MAEL: variants seen among roughly 807,000 people sequenced by gnomAD.
MAEL encodes protein maelstrom homolog.
Under a neutral mutation model 62.0 loss-of-function variants are expected in MAEL, and 46 were observed. That is an observed-to-expected ratio of 0.74 (90% CI 0.59 to 0.95). The LOEUF (loss-of-function observed/expected upper bound fraction) is 0.95, where lower values mean the gene tolerates loss of function less well. MAEL is among the 40% of genes least tolerant of loss of function. The probability of loss-of-function intolerance (pLI) is 0.00; values close to 1 mark genes in which losing one functional copy is unlikely to be tolerated. For missense variants in MAEL, 497 were observed against 526.8 expected (o/e 0.94, Z 0.55); for synonymous variants, 172 against 175.5 (o/e 0.98, Z 0.16).
intron 5 of MAEL, among the ~76,000 whole-genome samples, chr1:166,996,214 C>T (rs900512084): frequency 1.3e-5 from 2 of 152,180 alleles, no homozygotes; most frequent in Non-Finnish European, 2.9e-5. Context: ...TGTATAGTAA[C>T]ACACTGGAAC....
chr1:167,005,171 T>TA (rs1664838753), intron 7 of MAEL, 41 bp downstream of exon 7: 16 of 1,611,740 alleles, frequency 9.9e-6, no homozygotes, highest in Non-Finnish European at 1.4e-5. Flanking sequence ...GCTTTATAGT[T>TA]AATATCTGTA....
intron 5 of MAEL, among the ~76,000 whole-genome samples, chr1:167,001,372 G>A (rs1406118882): frequency 2.0e-5 from 3 of 152,112 alleles, no homozygotes; most frequent in Admixed American, 6.5e-5. Context: ...GAACTTACTC[G>A]TGTGACCAAA....
At chr1:167,004,420 A>G (rs1664804611) in intron 6 of MAEL, 116 bp downstream of exon 6, 13 of 884,792 alleles carry the variant, frequency 1.5e-5, no homozygotes, top group Admixed American at 3.4e-5. Flanking sequence ...CTTAAAACAC[A>G]CTCATTTTGA....
In MAEL at chr1:167,021,640, C is replaced by T. The variant is rs1165530158; in HGVS notation, c.1118-28C>T. 7 of 1,494,674 alleles carry T rather than the reference C, an allele frequency of 4.7e-6. No individual in the cohort carries two copies. The East Asian group carries it at 1.6e-4, about 34-fold the overall frequency. 92.6% of individuals were successfully genotyped at this position (1,494,674 alleles called of 1,614,324 possible). A position where few individuals can be genotyped will look rare whatever the true frequency, so the allele number is the denominator to read the frequency against. ...TAATAAAATTATAAAATTGCTATATCTCTTTTCTTGTATTTTCAATATCCT... is the reference window on the plus strand; with the variant it reads ...TAATAAAATTATAAAATTGCTATATTTCTTTTCTTGTATTTTCAATATCCT... On this transcript the variant is annotated intron_variant, in intron 11 of 11. Coordinates refer to ENST00000367872, the MANE Select transcript of MAEL (RefSeq NM_032858.3).
chr1:166,986,981 T>TGTGTGTG (rs3223320), upstream of MAEL, among the ~76,000 whole-genome samples: 14 of 149,366 alleles, frequency 9.4e-5, no homozygotes, highest in South Asian at 1.1e-3. Flanking sequence ...TGTGTGTGTG[T>TGTGTGTG]TTAAAATTAC....
chr1:166,987,792 A>G (rs1286302205), upstream of MAEL, among the ~76,000 whole-genome samples: 3 of 152,192 alleles, frequency 2.0e-5, no homozygotes, highest in Non-Finnish European at 4.4e-5. Flanking sequence ...AAAGATGTAA[A>G]AGATCAGAGA....
Position 167,004,302 on chromosome 1 carries a change from A to T in MAEL, c.646A>T (p.Lys216Ter). The T allele has an allele frequency of 6.3e-7, 1 of 1,591,488 alleles. No individual in the cohort carries two copies. Among genetic ancestry groups the T allele is most frequent in the East Asian group, 2.3e-5 (1 of 44,418 alleles). The change falls in exon 6 of 12, where the codon AAG (lysine) becomes TAG (stop). Residue 216 changes from lysine (K) to a stop codon, truncating the protein, a stop_gained and splice_region_variant. Coordinates refer to ENST00000367872, the MANE Select transcript of MAEL (RefSeq NM_032858.3). LOFTEE classifies it high-confidence loss of function. ...AGGGAACTGGCCACCTATCTACTGC[A>T]AGGTAATTTCAGGTTAAGAAGTTCT... Reference protein sequence around the residue: ...NPGNWPPIYCKSDDRTRVNWC... With the variant: ...NPGNWPPIYC
intron 2 of MAEL, 131 bp from the exon 3 acceptor site, chr1:166,991,247 A>G: frequency 1.5e-6 from 1 of 650,586 alleles, no homozygotes; most frequent in Non-Finnish European, 2.8e-6. Flanking sequence ...ATTGACAGAT[A>G]TATTTATTCA....
intron 5 of MAEL, among the ~76,000 whole-genome samples, chr1:166,994,994 TTTGC>T (rs1368012835): frequency 1.3e-5 from 2 of 150,336 alleles, no homozygotes; most frequent in East Asian, 3.9e-4. Flanking sequence ...TTTTTTTTTT[TTTGC>T]TTAGAAACGT....
intron 5 of MAEL, among the ~76,000 whole-genome samples, chr1:166,997,139 T>C (rs760652441): frequency 1.3e-5 from 2 of 152,210 alleles, no homozygotes; most frequent in Admixed American, 6.5e-5. Context: ...CTGGGCCACA[T>C]TGGAAGAAGA....
chr1:167,014,181 G>A (rs1294634940), intron 8 of MAEL, among the ~76,000 whole-genome samples: 2 of 152,162 alleles, frequency 1.3e-5, no homozygotes, highest in Non-Finnish European at 2.9e-5. Flanking sequence ...TTGTGGACAT[G>A]TACCATTTTT....
chr1:167,010,621 C>T (rs1243278052), intron 8 of MAEL, among the ~76,000 whole-genome samples: 1 of 151,952 alleles, frequency 6.6e-6, no homozygotes, highest in Non-Finnish European at 1.5e-5. Flanking sequence ...AGTTATTTTT[C>T]ATTTGTCGTG....
intron 1 of MAEL, among the ~76,000 whole-genome samples, chr1:166,980,909 T>C (rs978375611): frequency 8.5e-5 from 13 of 152,284 alleles, no homozygotes; most frequent in South Asian, 4.1e-4. Flanking sequence ...CAGAAGATTG[T>C]TTCTCAGAGC....
At chr1:167,019,793 CT>C (rs1460092008) in intron 10 of MAEL, among the ~76,000 whole-genome samples, 1 of 152,102 alleles carries the variant, frequency 6.6e-6, no homozygotes, top group East Asian at 1.9e-4. Flanking sequence ...CAAATGGCCT[CT>C]TTTTGGAGTC....
chr1:166,989,207 G>C, upstream of MAEL: 1 of 1,066,164 alleles, frequency 9.4e-7, no homozygotes, highest in Non-Finnish European at 1.3e-6. Context: ...TCCCCCGCGG[G>C]GCAATGCGAC....
rs530557697 is a variant in MAEL at position 167,008,329 on chromosome 1, T to C, written c.845+2932T>C. ...AAATTGGTTTTATTAGGCTTTCTAATTTTAATGGGGTAAATTTTGGTAATC... is the reference window on the plus strand; with the variant it reads ...AAATTGGTTTTATTAGGCTTTCTAACTTTAATGGGGTAAATTTTGGTAATC... On this transcript the variant is annotated intron_variant, in intron 8 of 11. Coordinates refer to ENST00000367872, the MANE Select transcript of MAEL (RefSeq NM_032858.3). Among the ~76,000 whole-genome samples, 57 of 152,250 alleles carry C rather than the reference T, an allele frequency of 3.7e-4. 1 individual carries two copies. The Middle Eastern group carries it at 0.01, about 27-fold the overall frequency.
intron 2 of MAEL, 127 bp downstream of exon 2, chr1:166,989,956 GTTC>G (rs1664094131): frequency 1.4e-6 from 1 of 710,084 alleles, no homozygotes; most frequent in Non-Finnish European, 2.3e-6. Context: ...CGAAGACGAC[GTTC>G]TTCTTTTCCC....
Position 167,005,276 on chromosome 1 carries a change from C to T in MAEL, c.724C>T (p.Leu242Phe), listed in dbSNP as rs1242914812. 1.2e-6 allele frequency: 2 copies of T among 1,613,222 alleles called. No homozygotes were observed. The highest frequency in any genetic ancestry group is 8.5e-7 in the Non-Finnish European group (1 of 1,179,654). ...KASEIRQDLQ[L>F]LTVEDLVVGI... ...GGAAGAAATCAGGCAAGATCTACAA[C>T]TTCTCACTGTAGAGGACCTTGTAGT... The change falls in exon 8 of 12, where the codon CTT becomes TTT. Residue 242 changes from leucine (L) to phenylalanine (F), a missense_variant. Leu to Phe is a conservative substitution (Grantham distance 22). Transcript: ENST00000367872.
chr1:166,982,889 A>G (rs1202757220), intron 1 of MAEL, among the ~76,000 whole-genome samples: 1 of 152,068 alleles, frequency 6.6e-6, no homozygotes, highest in Non-Finnish European at 1.5e-5. Context: ...TGCACTTGCT[A>G]TTCTTTCTGC....
Sources: gnomAD v4.1 joint callset for allele counts (sites outside exome capture counted in the v4.1 genomes callset) on GRCh38, gnomAD v4.1.1 for gene constraint, MANE v1.5 for transcripts, NCBI Gene and HGNC (gene_info 2026-07-23, HGNC 2026-07-21) for gene names.